PDZRN3: variants seen among roughly 807,000 people sequenced by gnomAD.
PDZRN3 encodes the protein E3 ubiquitin-protein ligase PDZRN3.
Under a neutral mutation model 85.7 loss-of-function variants are expected in PDZRN3, and 38 were observed. That is an observed-to-expected ratio of 0.44 (90% confidence interval 0.34 to 0.58). The LOEUF (loss-of-function observed/expected upper bound fraction) is 0.58, where lower values mean the gene tolerates loss of function less well. Ranked by LOEUF, PDZRN3 falls within the 20% of genes least tolerant of loss-of-function variation. The pLI, the probability that PDZRN3 is intolerant of heterozygous loss-of-function variation, is 0.01. For synonymous variants in PDZRN3, 759 were observed against 638.0 expected (o/e 1.19, Z -2.86); for missense variants, 1,629 against 1,506.4 (o/e 1.08, Z -1.35).
chr3:73,390,683 A>C (rs1576025427), intron 6 of PDZRN3, among the ~76,000 whole-genome samples: 1 of 150,882 alleles, frequency 6.6e-6, no homozygotes, highest in East Asian at 2.0e-4. Context: ...GGCTTTAAAA[A>C]GTGTAAGTGA....
At chr3:73,609,032 C>T (rs1702644886) in intron 1 of PDZRN3, among the ~76,000 whole-genome samples, 1 of 152,162 alleles carries the variant, frequency 6.6e-6, no homozygotes, top group South Asian at 2.1e-4. Flanking sequence ...TAGACGGCTA[C>T]TTTCTGTTTG....
intron 3 of PDZRN3, among the ~76,000 whole-genome samples, chr3:73,581,653 T>G (rs981682957): frequency 1.3e-5 from 2 of 152,164 alleles, no homozygotes; most frequent in African/African-American, 4.8e-5. Flanking sequence ...CTGAATAAAG[T>G]GGACTCACAC....
At chr3:73,502,845 C>T (rs751868802) in intron 3 of PDZRN3, among the ~76,000 whole-genome samples, 1 of 152,104 alleles carries the variant, frequency 6.6e-6, no homozygotes, top group Non-Finnish European at 1.5e-5. Context: ...TCAGTTGAAA[C>T]GAATGATCAA....
At chr3:73,389,949 C>G (rs183701294) in intron 6 of PDZRN3, 71 bp from the exon 7 acceptor site, 9 of 1,100,134 alleles carry the variant, frequency 8.2e-6, no homozygotes, top group Non-Finnish European at 1.3e-5. Context: ...ACTTTCAAAA[C>G]CATTTCTAAA....
Position 73,402,941 on chromosome 3 carries a change from C to CTTTTTTTTTTTTTTTTT in PDZRN3, c.1166+1190_1166+1206dup, listed in dbSNP as rs140037400. 2.0e-4 allele frequency among the ~76,000 whole-genome samples: 23 copies of CTTTTTTTTTTTTTTTTT among 115,648 alleles called. 3 individuals are homozygous for CTTTTTTTTTTTTTTTTT. The highest frequency in any genetic ancestry group is 3.4e-4 in the African/African-American group (9 of 26,750). The allele number at this position is 115,648 out of a possible 152,430, so 75.9% of individuals were successfully genotyped here. A position where few individuals can be genotyped will look rare whatever the true frequency, so the allele number is the denominator to read the frequency against. On this transcript the variant is annotated intron_variant, in intron 4 of 9. Coordinates refer to ENST00000263666, the MANE Select transcript of PDZRN3 (RefSeq NM_015009.3). The stretch of plus-strand genomic sequence containing the variant: ...GATGTGCAAAGTCACACATGAAAAG[C>CTTTTTTTTTTTTTTTTT]TTTTTTTTTTTTTTTTTTTTGAGAC...
intron 3 of PDZRN3, among the ~76,000 whole-genome samples, chr3:73,552,012 G>A (rs138107704): frequency 6.6e-6 from 1 of 152,250 alleles, no homozygotes; most frequent in African/African-American, 2.4e-5. Flanking sequence ...TGATTCCTAT[G>A]ACCTTCCATC....
At chr3:73,457,555 T>C (rs1220665147) in intron 3 of PDZRN3, among the ~76,000 whole-genome samples, 3 of 152,138 alleles carry the variant, frequency 2.0e-5, no homozygotes. Flanking sequence ...GCCCCCTGGA[T>C]TCCCTTACCT....
At position 73,404,178 on chromosome 3, in the gene PDZRN3, G is replaced by T; in HGVS notation, c.1136C>A (p.Pro379His). The T allele has an allele frequency of 6.2e-7, 1 of 1,613,830 alleles. No individual in the cohort carries two copies. Among genetic ancestry groups the T allele is most frequent in the South Asian group, 1.1e-5 (1 of 91,072 alleles). ...TGGCAAGAGATAGGGATCCAGCACG[G>T]GTGGGCTGGGAGAGGACATCTTAGT... is the stretch of plus-strand genomic sequence containing the variant. ...ALTKMSSPSP[P>H]VLDPYLLPEE... The change falls in exon 4 of 10, where the codon CCC (proline) becomes CAC (histidine). Residue 379 changes from proline (P) to histidine (H), a missense_variant. Physicochemically the swap from Pro to His is moderately conservative, Grantham distance 77 (BLOSUM62 -2). Coordinates refer to ENST00000263666, the MANE Select transcript of PDZRN3 (RefSeq NM_015009.3).
At chr3:73,424,424 C>G (rs1290831779) in intron 3 of PDZRN3, among the ~76,000 whole-genome samples, 1 of 147,634 alleles carries the variant, frequency 6.8e-6, no homozygotes, top group Non-Finnish European at 1.5e-5. Flanking sequence ...GCCTGTAGTC[C>G]CAGCTACTCG....
chr3:73,459,669 T>C (rs982196818), intron 3 of PDZRN3, among the ~76,000 whole-genome samples: 2 of 152,248 alleles, frequency 1.3e-5, no homozygotes, highest in Admixed American at 6.5e-5. Flanking sequence ...TCCATGCTCC[T>C]GCAAAAGACA....
chr3:73,564,514 C>CGCCCTG (rs1701903489), intron 3 of PDZRN3, among the ~76,000 whole-genome samples: 1 of 152,164 alleles, frequency 6.6e-6, no homozygotes, highest in Non-Finnish European at 1.5e-5. Flanking sequence ...GTTTCTTCTC[C>CGCCCTG]GCCCTGCACT....
chr3:73,469,928 G>A (rs1703300841), intron 3 of PDZRN3, among the ~76,000 whole-genome samples: 1 of 152,178 alleles, frequency 6.6e-6, no homozygotes, highest in African/African-American at 2.4e-5. Flanking sequence ...TGTTGAAAGT[G>A]GGTAGTTAGT....
chr3:73,585,042 T>G (rs1215248500), intron 3 of PDZRN3, among the ~76,000 whole-genome samples: 1 of 152,212 alleles, frequency 6.6e-6, no homozygotes, highest in African/African-American at 2.4e-5. Context: ...TTTGAAGAGA[T>G]AACATTTCAG....
intron 3 of PDZRN3, among the ~76,000 whole-genome samples, chr3:73,479,087 A>C (rs943167664): frequency 6.6e-6 from 1 of 152,196 alleles, no homozygotes; most frequent in Admixed American, 6.5e-5. Context: ...ATGTGGCCTG[A>C]ATCCTGTTCT....
intron 3 of PDZRN3, among the ~76,000 whole-genome samples, chr3:73,518,894 T>A (rs1259368889): frequency 6.6e-6 from 1 of 152,178 alleles, no homozygotes; most frequent in African/African-American, 2.4e-5. Flanking sequence ...AACCCATGAA[T>A]GTTGTGGGAG....
Position 73,624,109 on chromosome 3 carries a change from G to C in PDZRN3, c.717C>G (p.Gly239=). The C allele has an allele frequency of 2.1e-6, 3 of 1,458,632 alleles. No individual in the cohort carries two copies. The highest frequency in any genetic ancestry group is 2.7e-6 in the Non-Finnish European group (3 of 1,113,742). 90.4% of individuals were successfully genotyped at this position (1,458,632 alleles called of 1,614,324 possible). The change falls in exon 1 of 10, where the codon GGC becomes GGG. Residue 239 remains glycine, a synonymous_variant. Transcript: ENST00000263666. ...GCGGGCAGCAGGCGCCTACCTTGCC[G>C]CCGGGCGGCGCGGCCACGCAGCGGC... ...SLSRCVAAPP[G]GKGEETKSLT...
chr3:73,391,250 C>T (rs529503455), intron 5 of PDZRN3, 134 bp from the exon 6 acceptor site: 11 of 599,962 alleles, frequency 1.8e-5, no homozygotes, highest in South Asian at 1.8e-4. Context: ...GGCCGGTTAA[C>T]TTACTAAACA....
At chr3:73,527,877 A>G (rs1425527789) in intron 3 of PDZRN3, among the ~76,000 whole-genome samples, 4 of 152,186 alleles carry the variant, frequency 2.6e-5, no homozygotes, top group South Asian at 2.1e-4. Flanking sequence ...GGATGGAAAT[A>G]AACCCCTATT....
At chr3:73,415,663 G>A (rs766440982) in intron 3 of PDZRN3, among the ~76,000 whole-genome samples, 26 of 152,058 alleles carry the variant, frequency 1.7e-4, no homozygotes, top group Non-Finnish European at 2.6e-4. Context: ...TTATTATTGC[G>A]TTTAATGATT....
Sources: allele counts gnomAD v4.1 joint callset (sites outside exome capture counted in the v4.1 genomes callset), GRCh38; gene constraint gnomAD v4.1.1; transcripts MANE v1.5; gene names NCBI Gene and HGNC (gene_info 2026-07-23, HGNC 2026-07-21).